The following ZFAND3 variants were observed in gnomAD, a reference collection of about 807,000 sequenced individuals.
The protein encoded by ZFAND3 is zinc finger AN1-type containing 3, also known as AN1-type zinc finger protein 3.
In ZFAND3, 10 loss-of-function variants were observed where a neutral mutation model predicts 29.6. That is an observed-to-expected ratio of 0.34 (90% CI 0.21 to 0.57). The LOEUF (loss-of-function observed/expected upper bound fraction) is 0.57, where lower values mean the gene tolerates loss of function less well. Ranked by LOEUF, ZFAND3 falls within the 20% of genes least tolerant of loss-of-function variation. The pLI is 0.86. For missense variants in ZFAND3, 230 were observed against 304.5 expected (o/e 0.76, Z 1.82); for synonymous variants, 128 against 112.6 (o/e 1.14, Z -0.87).
At chr6:38,046,240 T>A (rs1442034250) in intron 2 of ZFAND3, among the ~76,000 whole-genome samples, 2 of 152,220 alleles carry the variant, frequency 1.3e-5, no homozygotes, top group African/African-American at 4.8e-5. Context: ...TTGAGCTGCA[T>A]GGAATAAGAG....
At chr6:38,022,331 G>C (rs116387621) in intron 2 of ZFAND3, among the ~76,000 whole-genome samples, 139 of 152,294 alleles carry the variant, frequency 9.1e-4, no homozygotes, top group Non-Finnish European at 1.5e-3. Flanking sequence ...GAAAGAAAAT[G>C]CTTTTTGTTT....
intron 2 of ZFAND3, among the ~76,000 whole-genome samples, chr6:38,016,903 C>T (rs1388944399): frequency 3.3e-5 from 5 of 152,028 alleles, no homozygotes; most frequent in African/African-American, 4.8e-5. Context: ...ATTCATAATC[C>T]ATAGCGAGGA....
intron 1 of ZFAND3, among the ~76,000 whole-genome samples, chr6:37,924,701 G>A (rs551704802): frequency 1.3e-5 from 2 of 151,704 alleles, no homozygotes; most frequent in Non-Finnish European, 2.9e-5. Flanking sequence ...TGTGCCTAGA[G>A]TCTTATCTGC....
chr6:38,054,959 A>T lies in ZFAND3; in HGVS notation c.113-6634A>T, dbSNP rs1764106070. Among the ~76,000 whole-genome samples the T allele has an allele frequency of 2.6e-5, 4 of 152,048 alleles. No homozygotes were observed. In the South Asian group the frequency reaches 8.3e-4, roughly 31 times the overall value. On this transcript the variant is annotated intron_variant, in intron 2 of 5. Coordinates refer to ENST00000287218, the MANE Select transcript of ZFAND3 (RefSeq NM_021943.3). The stretch of plus-strand genomic sequence containing the variant: ...ATAAGATATTTAAGTTTTGCGGTTG[A>T]GATGGGGGTGGGGGACAATGCAGCT...
chr6:37,912,462 G>T (rs1027111827), intron 1 of ZFAND3, among the ~76,000 whole-genome samples: 1 of 152,176 alleles, frequency 6.6e-6, no homozygotes, highest in African/African-American at 2.4e-5. Context: ...GTAAATAGTT[G>T]TTGAAATTTG....
At chr6:38,060,896 T>C (rs529108727) in intron 2 of ZFAND3, among the ~76,000 whole-genome samples, 9 of 152,308 alleles carry the variant, frequency 5.9e-5, no homozygotes, top group East Asian at 1.9e-4. Context: ...CCATCGTATA[T>C]GGAAAGTAGG....
chr6:37,994,283 C>T (rs981139961), intron 2 of ZFAND3, among the ~76,000 whole-genome samples: 3 of 152,140 alleles, frequency 2.0e-5, no homozygotes, highest in Admixed American at 2.0e-4. Context: ...AAGGAACTGA[C>T]AAAACACTCT....
At position 38,082,445 on chromosome 6, in the gene ZFAND3, T is replaced by A; in HGVS notation, c.349T>A (p.Ser117Thr). The A allele has an allele frequency of 6.2e-7, 1 of 1,611,982 alleles. No homozygotes were observed. The highest frequency in any genetic ancestry group is 8.5e-7 in the Non-Finnish European group (1 of 1,178,750). Residue 117 changes from serine (S) to threonine (T), a missense_variant, in exon 4 of 6, where the codon TCC (serine) becomes ACC (threonine). This residue lies in a region of ZFAND3 where 180 missense variants were observed against 202.5 expected (regional missense o/e 0.89). Transcript: ENST00000287218. Reference protein sequence around the residue: ...HVSLITPTKRSCGTDSQSENE... With the variant: ...HVSLITPTKRTCGTDSQSENE... ...CTCATTAATCACACCAACAAAAAGA[T>A]CCTGTGGTACAGGTATGTACGTCAT... is the stretch of plus-strand genomic sequence containing the variant.
chr6:38,143,324 G>A (rs953038119), intron 5 of ZFAND3: 19 of 152,256 alleles, frequency 1.2e-4, no homozygotes, highest in African/African-American at 4.3e-4. Flanking sequence ...GGGGAGCTTC[G>A]TTAGCTGGAC....
intron 1 of ZFAND3, among the ~76,000 whole-genome samples, chr6:37,841,410 A>G (rs1287816356): frequency 6.6e-6 from 1 of 152,228 alleles, no homozygotes; most frequent in Non-Finnish European, 1.5e-5. Context: ...TTGTAGACTC[A>G]ATACATTTAC....
chr6:37,900,880 G>A (rs1432206350), intron 1 of ZFAND3, among the ~76,000 whole-genome samples: 1 of 152,090 alleles, frequency 6.6e-6, no homozygotes, highest in Non-Finnish European at 1.5e-5. Context: ...ATGGAGTGCC[G>A]AGATTCAGAG....
intron 2 of ZFAND3, among the ~76,000 whole-genome samples, chr6:37,979,494 G>GT (rs1377699979): frequency 6.6e-6 from 1 of 152,160 alleles, no homozygotes; most frequent in Admixed American, 6.5e-5. Flanking sequence ...TATGGTGTGT[G>GT]TGTGTTTAAA....
intron 2 of ZFAND3, among the ~76,000 whole-genome samples, chr6:37,940,043 G>C (rs1331613539): frequency 6.6e-6 from 1 of 152,096 alleles, no homozygotes; most frequent in East Asian, 1.9e-4. Context: ...CTGTCTCGGG[G>C]TGGGGAGGCG....
rs546351464 is a variant in ZFAND3, at chr6:38,153,656, C to T, written c.*1267C>T. On this transcript the variant is annotated 3_prime_UTR_variant, in exon 6 of 6. Coordinates refer to ENST00000287218, the MANE Select transcript of ZFAND3 (RefSeq NM_021943.3). ...CAGAGGATTTCAGCAGCTGCAACTGCGCACGCCAGGTGGGGAAGGGTGGGG... is the reference window on the plus strand; with the variant it reads ...CAGAGGATTTCAGCAGCTGCAACTGTGCACGCCAGGTGGGGAAGGGTGGGG... 671 of 985,276 alleles carry T rather than the reference C, an allele frequency of 6.8e-4. 3 individuals are homozygous for T. The African/African-American group carries it at 0.01, about 15-fold the overall frequency. 61.0% of individuals were successfully genotyped at this position (985,276 alleles called of 1,614,324 possible). A position where few individuals can be genotyped will look rare whatever the true frequency, so the allele number is the denominator to read the frequency against.
At chr6:37,936,587 T>C (rs757437064) in intron 2 of ZFAND3, among the ~76,000 whole-genome samples, 1 of 152,352 alleles carries the variant, frequency 6.6e-6, no homozygotes, top group East Asian at 1.9e-4. Flanking sequence ...TTAAGAAATT[T>C]GCTATCACGT....
chr6:37,929,405 A>G (rs1761550293), intron 1 of ZFAND3, among the ~76,000 whole-genome samples: 1 of 152,230 alleles, frequency 6.6e-6, no homozygotes, highest in African/African-American at 2.4e-5. Context: ...CATGAAAACT[A>G]ATTTGATTGG....
At chr6:37,929,925 T>C in intron 1 of ZFAND3, 34 bp from the exon 2 acceptor site, 3 of 1,573,446 alleles carry the variant, frequency 1.9e-6, no homozygotes, top group Non-Finnish European at 2.6e-6. Context: ...AGTTTTTAGC[T>C]CTTCTTTCTT....
At chr6:37,911,458 A>C (rs1014939220) in intron 1 of ZFAND3, among the ~76,000 whole-genome samples, 1 of 152,182 alleles carries the variant, frequency 6.6e-6, no homozygotes, top group Non-Finnish European at 1.5e-5. Context: ...GGTCATCAGA[A>C]GTACGGTTTG....
chr6:37,992,417 C>T (rs1053164367), intron 2 of ZFAND3, among the ~76,000 whole-genome samples: 4 of 152,148 alleles, frequency 2.6e-5, no homozygotes, highest in African/African-American at 9.7e-5. Context: ...TTCAAACCTA[C>T]AGGAAAGTTA....
Sources: allele counts gnomAD v4.1 joint callset (sites outside exome capture counted in the v4.1 genomes callset), GRCh38; gene constraint gnomAD v4.1.1; regional missense constraint gnomAD v4.1.1; transcripts MANE v1.5; gene names NCBI Gene and HGNC (gene_info 2026-07-23, HGNC 2026-07-21).